The following KCNN2 variants were observed in gnomAD, a reference collection of about 807,000 sequenced individuals.
KCNN2 encodes the protein potassium calcium-activated channel subfamily N member 2.
Under a neutral mutation model 55.5 loss-of-function variants are expected in KCNN2, and 24 were observed. The ratio of observed to expected loss-of-function variants is 0.43; its 90% CI spans 0.31 to 0.61. The LOEUF (loss-of-function observed/expected upper bound fraction) is 0.61, where lower values mean the gene tolerates loss of function less well. Among genes scored for constraint, KCNN2 ranks in the 20% least tolerant of loss-of-function variants. The probability of loss-of-function intolerance (pLI) is 0.08; values close to 1 mark genes in which losing one functional copy is unlikely to be tolerated. For missense variants in KCNN2, 754 were observed against 853.6 expected, an observed-to-expected ratio of 0.88 and a Z score of 1.45; for synonymous variants, 431 against 336.1, an observed-to-expected ratio of 1.28 and a Z score of -3.09.
At chr5:114,121,828 T>C (rs1751835680) in intron 1 of KCNN2, among the ~76,000 whole-genome samples, 1 of 152,204 alleles carries the variant, frequency 6.6e-6, no homozygotes, top group African/African-American at 2.4e-5. Context: ...AACACTCCTT[T>C]TACCCCCACC....
At chr5:114,474,109 A>G (rs1561406643) in intron 5 of KCNN2, among the ~76,000 whole-genome samples, 1 of 152,204 alleles carries the variant, frequency 6.6e-6, no homozygotes, top group Non-Finnish European at 1.5e-5. Flanking sequence ...AAATGAATCA[A>G]TAGATATTTC....
chr5:114,401,442 AT>A, intron 2 of KCNN2, among the ~76,000 whole-genome samples: 1 of 152,306 alleles, frequency 6.6e-6, no homozygotes, highest in South Asian at 2.1e-4. Flanking sequence ...CTATCCAGTG[AT>A]TAGGATAGTC....
intron 2 of KCNN2, among the ~76,000 whole-genome samples, chr5:114,309,141 C>T (rs73779789): frequency 0.046 from 7,074 of 152,214 alleles, 573 homozygotes; most frequent in African/African-American, 0.16. Flanking sequence ...AGACTGTTAG[C>T]AATTATATTT....
At chr5:114,338,426 T>A (rs1265218249) in intron 2 of KCNN2, among the ~76,000 whole-genome samples, 1 of 152,236 alleles carries the variant, frequency 6.6e-6, no homozygotes. Flanking sequence ...GTCCTTTCAA[T>A]GTCCTTTAGT....
At position 114,137,490 on chromosome 5, in the gene KCNN2, A is replaced by C. The variant is rs1394604447; in HGVS notation, c.-271+80990A>C. 3.9e-5 allele frequency among the ~76,000 whole-genome samples: 6 copies of C among 152,200 alleles called. No individual in the cohort carries two copies. The South Asian group carries it at 1.2e-3, about 31-fold the overall frequency. On this transcript the variant is annotated intron_variant, in intron 1 of 10. Coordinates refer to the KCNN2 transcript ENST00000512097. The stretch of plus-strand genomic sequence containing the variant: ...TTGTGTTCACTTGAAATAATCACAC[A>C]AACACTATCATTTGTGAGAAAGTTG...
At chr5:114,282,219 C>T (rs566021900) in intron 2 of KCNN2, among the ~76,000 whole-genome samples, 14 of 151,984 alleles carry the variant, frequency 9.2e-5, no homozygotes, top group East Asian at 1.9e-4. Context: ...CTTTCTTTCT[C>T]GTTTCACATA....
intron 1 of KCNN2, among the ~76,000 whole-genome samples, chr5:114,075,103 T>C (rs1375456955): frequency 6.6e-6 from 1 of 152,230 alleles, no homozygotes; most frequent in Non-Finnish European, 1.5e-5. Flanking sequence ...ATGTGAATGA[T>C]TGGTGAATGA....
chr5:114,152,821 A>G (rs1447964372), intron 1 of KCNN2, among the ~76,000 whole-genome samples: 1 of 152,124 alleles, frequency 6.6e-6, no homozygotes, highest in Non-Finnish European at 1.5e-5. Flanking sequence ...GTAAAAAGGC[A>G]TATGGTGGGC....
chr5:114,433,201 C>G (rs1382929457), intron 3 of KCNN2, among the ~76,000 whole-genome samples: 1 of 152,154 alleles, frequency 6.6e-6, no homozygotes, highest in East Asian at 1.9e-4. Context: ...TGTAAATACA[C>G]CAATTGGCAT....
intron 4 of KCNN2, 67 bp downstream of exon 4, chr5:114,463,257 A>T (rs1322361092): frequency 7.8e-7 from 1 of 1,275,446 alleles, no homozygotes; most frequent in Non-Finnish European, 1.1e-6. Flanking sequence ...CACTCAGTCC[A>T]CGTGCATAAG....
intron 4 of KCNN2, among the ~76,000 whole-genome samples, chr5:114,467,364 A>C (rs762081086): frequency 5.9e-5 from 9 of 152,234 alleles, no homozygotes; most frequent in Non-Finnish European, 1.2e-4. Flanking sequence ...ACTGATCTGA[A>C]GCCATTCCTT....
At position 114,097,176 on chromosome 5, in the gene KCNN2, G is replaced by A. The variant is rs566845153; in HGVS notation, c.-271+40676G>A. 2.6e-5 allele frequency among the ~76,000 whole-genome samples: 4 copies of A among 152,270 alleles called. No homozygotes were observed. In the South Asian group the frequency reaches 8.3e-4, roughly 32 times the overall value. ...TTCGGGAAATATGCTTTTTATGAAA[G>A]TTCTTTTTCTTGTAGGTGACATTAC... On this transcript the variant is annotated intron_variant, in intron 1 of 10. Coordinates refer to the KCNN2 transcript ENST00000512097.
At chr5:114,089,976 T>G (rs1451283208) in intron 1 of KCNN2, among the ~76,000 whole-genome samples, 1 of 152,194 alleles carries the variant, frequency 6.6e-6, no homozygotes, top group Non-Finnish European at 1.5e-5. Context: ...GTATTCTATG[T>G]GATGTGGGTG....
chr5:114,415,895 T>C (rs192396302), intron 3 of KCNN2, among the ~76,000 whole-genome samples: 150 of 152,322 alleles, frequency 9.8e-4, no homozygotes, highest in African/African-American at 3.5e-3. Flanking sequence ...TCTAAGTCAG[T>C]CTTGCCTTGC....
chr5:114,170,020 C>G (rs1279865912), intron 1 of KCNN2, among the ~76,000 whole-genome samples: 1 of 151,954 alleles, frequency 6.6e-6, no homozygotes, highest in Non-Finnish European at 1.5e-5. Flanking sequence ...AAAGATGATT[C>G]TTCTTCTTCC....
chr5:114,492,365 A>T (rs1412593081), intron 6 of KCNN2, among the ~76,000 whole-genome samples: 2 of 152,156 alleles, frequency 1.3e-5, no homozygotes, highest in Non-Finnish European at 2.9e-5. Context: ...TTGTAAAATG[A>T]CTTGTCATCA....
chr5:114,058,067 A>G (rs1750248080), intron 1 of KCNN2, among the ~76,000 whole-genome samples: 1 of 152,206 alleles, frequency 6.6e-6, no homozygotes, highest in South Asian at 2.1e-4. Flanking sequence ...TACCTGTGAG[A>G]AACTTTTTAC....
At chr5:114,404,167 T>A (rs901823020) in intron 2 of KCNN2, among the ~76,000 whole-genome samples, 17 of 152,220 alleles carry the variant, frequency 1.1e-4, no homozygotes, top group African/African-American at 3.9e-4. Flanking sequence ...CAAGCCCCTG[T>A]TTTAAAATGA....
intron 1 of KCNN2, among the ~76,000 whole-genome samples, chr5:114,203,829 A>G (rs973484434): frequency 6.6e-6 from 1 of 152,184 alleles, no homozygotes; most frequent in Non-Finnish European, 1.5e-5. Flanking sequence ...AGTTACATAT[A>G]ACTCCATTGA....
Sources: gnomAD v4.1 joint callset for allele counts (sites outside exome capture counted in the v4.1 genomes callset) on GRCh38, gnomAD v4.1.1 for gene constraint, MANE v1.5 for transcripts, NCBI Gene and HGNC (gene_info 2026-07-23, HGNC 2026-07-21) for gene names.